Variants in IQCH observed in about 807,000 individuals in gnomAD.
IQCH encodes the protein IQ domain-containing protein H.
A neutral mutation model predicts 117.0 loss-of-function variants in IQCH; 98 were observed. The ratio of observed to expected loss-of-function variants is 0.84; its 90% CI spans 0.71 to 0.99. The LOEUF (loss-of-function observed/expected upper bound fraction) is 0.99, where lower values mean the gene tolerates loss of function less well. Among genes scored for constraint, IQCH ranks in the 50% least tolerant of loss-of-function variants. The pLI is 0.00. For missense variants in IQCH, 1,102 were observed against 1,243.8 expected, an observed-to-expected ratio of 0.89 and a Z score of 1.72; for synonymous variants, 412 against 448.2, an observed-to-expected ratio of 0.92 and a Z score of 1.02.
intron 10 of IQCH, among the ~76,000 whole-genome samples, chr15:67,383,770 G>T (rs898213842): frequency 1.2e-4 from 18 of 152,288 alleles, no homozygotes; most frequent in African/African-American, 4.1e-4. Context: ...TTTCAAAAAT[G>T]ATTCGAACAG....
In IQCH at chr15:67,457,708, C is replaced by T. The variant is rs1275526465; in HGVS notation, c.2506-7419C>T. 6.6e-6 allele frequency among the ~76,000 whole-genome samples: 1 copy of T among 152,170 alleles called. No homozygotes were observed. The highest frequency in any genetic ancestry group is 2.4e-5 in the African/African-American group (1 of 41,442). On this transcript the variant is annotated intron_variant, in intron 16 of 20. Coordinates refer to ENST00000335894, the MANE Select transcript of IQCH (RefSeq NM_001031715.3). This position sits in a 1 kb window ranked among gnomAD's most constrained non-coding sequence, Gnocchi z 5.7. Reference sequence around the variant, plus strand: ...CTATATTAATAGACAAGGAAATAGGCCCAGAGAGGGGAAAGAAGTTGCTTA... The same window carrying T: ...CTATATTAATAGACAAGGAAATAGGTCCAGAGAGGGGAAAGAAGTTGCTTA...
chr15:67,386,610 T>C lies in IQCH; in HGVS notation c.1456+1591T>C, dbSNP rs1971115439. Among the ~76,000 whole-genome samples the C allele has an allele frequency of 6.6e-6, 1 of 152,184 alleles. No homozygotes were observed. The stretch of plus-strand genomic sequence containing the variant: ...TTATCCCCTATGGTTTTTCTTCTTA[T>C]TCGGGGGAAACAAAGATAATCCAGT... On this transcript the variant is annotated intron_variant, in intron 11 of 20. Transcript: ENST00000335894. This position sits in a 1 kb window ranked among gnomAD's most constrained non-coding sequence, Gnocchi z 5.0.
intron 15 of IQCH, 95 bp from the exon 16 acceptor site, chr15:67,421,196 C>G: frequency 9.8e-7 from 1 of 1,024,830 alleles, no homozygotes; most frequent in South Asian, 1.6e-5. Flanking sequence ...AAGCTACTTG[C>G]CCAAAGTCTT....
chr15:67,377,421 A>G (rs1300478076), intron 10 of IQCH, among the ~76,000 whole-genome samples: 1 of 152,158 alleles, frequency 6.6e-6, no homozygotes, highest in Non-Finnish European at 1.5e-5. Context: ...ATAAAATATT[A>G]GGGTCTATTT....
chr15:67,353,613 C>T (rs1376312794), intron 6 of IQCH, among the ~76,000 whole-genome samples: 2 of 152,016 alleles, frequency 1.3e-5, no homozygotes, highest in East Asian at 3.9e-4. Context: ...GCCCACCTTG[C>T]CCTCCCAAAA....
chr15:67,371,178 C>A (rs1372696308), intron 8 of IQCH, among the ~76,000 whole-genome samples: 1 of 152,062 alleles, frequency 6.6e-6, no homozygotes, highest in African/African-American at 2.4e-5. Flanking sequence ...CTGTACCCTC[C>A]CTCTCCCCCA....
chr15:67,322,109 C>T (rs1162733018), intron 4 of IQCH, among the ~76,000 whole-genome samples: 5 of 152,248 alleles, frequency 3.3e-5, no homozygotes, highest in Admixed American at 1.3e-4. Context: ...TTAGTTCTGA[C>T]AATTTTTGTT....
At chr15:67,320,317 A>G (rs577919241) in intron 4 of IQCH, among the ~76,000 whole-genome samples, 1 of 152,126 alleles carries the variant, frequency 6.6e-6, no homozygotes, top group East Asian at 1.9e-4. Context: ...ATAAAAAGCA[A>G]TAGCAAAAAT....
chr15:67,475,302 C>A lies in IQCH; in HGVS notation c.2677-394C>A, dbSNP rs1417619558. ...ACCAGCCTGGGCAACATAGTGAGAC[C>A]CCTGTCTCTACAAAAAAATAATAAA... is the stretch of plus-strand genomic sequence containing the variant. On this transcript the variant is annotated intron_variant, in intron 17 of 20. Coordinates refer to ENST00000335894, the MANE Select transcript of IQCH (RefSeq NM_001031715.3). The surrounding 1 kb of genome is among the most constrained non-coding windows in gnomAD (Gnocchi z 5.7). 6.6e-6 allele frequency among the ~76,000 whole-genome samples: 1 copy of A among 151,792 alleles called. No homozygotes were observed. The highest frequency in any genetic ancestry group is 1.5e-5 in the Non-Finnish European group (1 of 67,948).
rs1241626507 is a variant in IQCH at position 67,395,336 on chromosome 15, G to T, written c.1678G>T (p.Ala560Ser). The change falls in exon 13 of 21, where the codon GCA becomes TCA. Residue 560 changes from alanine (A) to serine (S), a missense_variant. This residue lies in a region of IQCH where 650 missense variants were observed against 794.3 expected (regional missense o/e 0.82). Transcript: ENST00000335894. The surrounding 1 kb of genome is among the most constrained non-coding windows in gnomAD (Gnocchi z 4.0). Reference sequence around the variant, plus strand: ...CACTCACCTGATGTACAGTCCCAAGGCAATCAAAAGAATAAAAAATCTCAT... The same window carrying T: ...CACTCACCTGATGTACAGTCCCAAGTCAATCAAAAGAATAAAAAATCTCAT... ...LATHLMYSPK[A>S]IKRIKNLIRG... is the part of the protein sequence containing the mutation. 20 of 1,613,876 alleles carry T rather than the reference G, an allele frequency of 1.2e-5. No homozygotes were observed. Among genetic ancestry groups the T allele is most frequent in the Non-Finnish European group, 1.4e-5 (16 of 1,179,922 alleles).
intron 16 of IQCH, among the ~76,000 whole-genome samples, chr15:67,451,618 T>G (rs556176018): frequency 6.6e-6 from 1 of 152,324 alleles, no homozygotes; most frequent in African/African-American, 2.4e-5. Flanking sequence ...TTATTTTACA[T>G]TTGCTGAGGA....
intron 16 of IQCH, among the ~76,000 whole-genome samples, chr15:67,435,478 G>A (rs1198595661): frequency 6.6e-6 from 1 of 151,988 alleles, no homozygotes; most frequent in Non-Finnish European, 1.5e-5. Flanking sequence ...CAGCTACTGG[G>A]GAGGCTAAGG....
At chr15:67,332,788 A>G (rs1477026739) in intron 4 of IQCH, among the ~76,000 whole-genome samples, 1 of 152,226 alleles carries the variant, frequency 6.6e-6, no homozygotes, top group Non-Finnish European at 1.5e-5. Flanking sequence ...CGTGGTAAAT[A>G]GATCTAAACA....
chr15:67,484,715 T>C (rs1051552394), intron 18 of IQCH, among the ~76,000 whole-genome samples: 2 of 151,574 alleles, frequency 1.3e-5, no homozygotes, highest in Non-Finnish European at 2.9e-5. Flanking sequence ...CACTCCAGCC[T>C]GGGTGACAGA....
chr15:67,428,696 A>G (rs994947776), intron 16 of IQCH, among the ~76,000 whole-genome samples: 1 of 152,096 alleles, frequency 6.6e-6, no homozygotes, highest in Non-Finnish European at 1.5e-5. Context: ...TAAAAATACA[A>G]AAATTAGCTG....
At chr15:67,286,319 A>G (rs1269490304) in intron 4 of IQCH, among the ~76,000 whole-genome samples, 2 of 152,130 alleles carry the variant, frequency 1.3e-5, no homozygotes, top group Admixed American at 6.6e-5. Context: ...TATTAGTTCT[A>G]ATAGTTTTTT....
chr15:67,378,247 C>T (rs1330504726), intron 10 of IQCH, among the ~76,000 whole-genome samples: 2 of 151,862 alleles, frequency 1.3e-5, no homozygotes, highest in Non-Finnish European at 2.9e-5. Flanking sequence ...ACACTGGCAC[C>T]TTTCTGCTTT....
chr15:67,280,436 A>T (rs1198433574), intron 4 of IQCH, among the ~76,000 whole-genome samples: 3 of 152,234 alleles, frequency 2.0e-5, no homozygotes, highest in Non-Finnish European at 4.4e-5. Context: ...GCTGGAATTC[A>T]AAGGTCAAGG....
At chr15:67,281,091 G>A (rs1055752661) in intron 4 of IQCH, among the ~76,000 whole-genome samples, 9 of 152,018 alleles carry the variant, frequency 5.9e-5, no homozygotes, top group Non-Finnish European at 8.8e-5. Context: ...TGATCCACCC[G>A]CCTTGGCCTC....
Sources: gnomAD v4.1 joint callset for allele counts (sites outside exome capture counted in the v4.1 genomes callset) on GRCh38, gnomAD v4.1.1 for gene constraint, gnomAD v4.1.1 regional missense constraint, Gnocchi (gnomAD v3.1) non-coding constraint, MANE v1.5 for transcripts, NCBI Gene and HGNC (gene_info 2026-07-23, HGNC 2026-07-21) for gene names.